RAPGEF6: variants seen among roughly 807,000 people sequenced by gnomAD.
RAPGEF6 encodes Rap guanine nucleotide exchange factor 6.
Under a neutral mutation model 171.4 loss-of-function variants are expected in RAPGEF6, and 56 were observed. The observed-to-expected ratio is 0.33, with a 90% CI of 0.26 to 0.41. The LOEUF (loss-of-function observed/expected upper bound fraction) is 0.41. Ranked by LOEUF, RAPGEF6 falls within the 10% of genes least tolerant of loss-of-function variation. RAPGEF6 has a pLI of 1.00. For missense variants in RAPGEF6, 1,674 were observed against 1,921.4 expected, an observed-to-expected ratio of 0.87 and a Z score of 2.41; for synonymous variants, 692 against 650.1, an observed-to-expected ratio of 1.06 and a Z score of -0.98.
rs1338315833 is a variant in RAPGEF6, at chr5:131,429,162, G to A, written c.4520C>T (p.Thr1507Ile). Residue 1507 changes from threonine (T) to isoleucine (I), a missense_variant, in exon 27 of 28, where the codon ACT becomes ATT. Thr to Ile is a moderately conservative substitution (Grantham distance 89). This residue lies in a region of RAPGEF6 where 552 missense variants were observed against 574.2 expected (regional missense o/e 0.96). Transcript: ENST00000509018. ...KDDRYREPPPTPPGYLGISLA... is the reference protein window; with the variant it reads ...KDDRYREPPPIPPGYLGISLA... ...AGAAATCCCCAAATATCCTGGAGGA[G>A]TGGGAGGTGGCTCCCTATACCTATC... 6 of 1,613,796 alleles carry A rather than the reference G, an allele frequency of 3.7e-6. No individual in the cohort carries two copies. Among genetic ancestry groups the A allele is most frequent in the Non-Finnish European group, 5.1e-6 (6 of 1,179,722 alleles).
rs1405795737 is a variant in RAPGEF6, at chr5:131,425,792, A to G, written c.*1474T>C. The stretch of plus-strand genomic sequence containing the variant: ...TTTCTATAAAGGAGGCCACAAACCA[A>G]CTAAATCCTATGTGGACACATACGG... On this transcript the variant is annotated 3_prime_UTR_variant, in exon 28 of 28. Transcript: ENST00000509018. The G allele has an allele frequency of 6.6e-6, 1 of 151,948 alleles. No homozygotes were observed. The highest frequency in any genetic ancestry group is 1.5e-5 in the Non-Finnish European group (1 of 67,996). The allele number at this position is 151,948 out of a possible 1,614,324, so 9.4% of individuals were successfully genotyped here.
chr5:131,546,646 TA>T (rs1299629771), intron 6 of RAPGEF6, among the ~76,000 whole-genome samples: 1 of 151,978 alleles, frequency 6.6e-6, no homozygotes, highest in Non-Finnish European at 1.5e-5. Context: ...GGAAAGAATG[TA>T]ACTTATCAAA....
At chr5:131,524,608 TTG>T (rs1758746402) in intron 6 of RAPGEF6, among the ~76,000 whole-genome samples, 1 of 40,998 alleles carries the variant, frequency 2.4e-5, no homozygotes, top group African/African-American at 9.0e-5. Flanking sequence ...GAGAGAGAGA[TTG>T]AGAGAGAGAG....
At chr5:131,430,122 CTA>C (rs544689030) in intron 26 of RAPGEF6, among the ~76,000 whole-genome samples, 115 of 150,980 alleles carry the variant, frequency 7.6e-4, no homozygotes, top group African/African-American at 2.8e-3. Context: ...TGACAAGTAA[CTA>C]TAAAATCAGC....
At position 131,446,556 on chromosome 5, in the gene RAPGEF6, G is replaced by C; in HGVS notation, c.3348C>G (p.Ser1116=). Reference sequence around the variant, plus strand: ...CCTCATCTGTCTCTACATCGAGACTGGAAAGATACTGCTTCACCTTCCTTG... The same window carrying C: ...CCTCATCTGTCTCTACATCGAGACTCGAAAGATACTGCTTCACCTTCCTTG... ...QMARKVKQYL[S]SLDVETDEEK... The change falls in exon 22 of 28, where the codon TCC becomes TCG. Residue 1116 remains serine, a synonymous_variant. Transcript: ENST00000509018. 6.2e-7 allele frequency: 1 copy of C among 1,614,226 alleles called. No individual in the cohort carries two copies.
chr5:131,491,181 A>G (rs1756256961), intron 14 of RAPGEF6, among the ~76,000 whole-genome samples: 1 of 152,208 alleles, frequency 6.6e-6, no homozygotes, highest in African/African-American at 2.4e-5. Flanking sequence ...GGTCAGGCCC[A>G]GAAAACTCTA....
In RAPGEF6 at chr5:131,446,502, C is replaced by A. The variant is rs1284496058; in HGVS notation, c.3402G>T (p.Trp1134Cys). 1 of 1,614,076 alleles carries A rather than the reference C, an allele frequency of 6.2e-7. No homozygotes were observed. Among genetic ancestry groups the A allele is most frequent in the Non-Finnish European group, 8.5e-7 (1 of 1,179,946 alleles). ...ACTCACAGGTACCATATGCAGGCTC[C>A]CACTGTAATGACATCATCTGGAACT... ...EEKFQMMSLQWEPAYGTLTKN... is the reference protein window; with the variant it reads ...EEKFQMMSLQCEPAYGTLTKN... The change falls in exon 22 of 28, where the codon TGG (tryptophan) becomes TGT (cysteine). Residue 1134 changes from tryptophan to cysteine, a missense_variant. Trp to Cys is a radical substitution (Grantham distance 215). This residue lies in a region of RAPGEF6 where 552 missense variants were observed against 574.2 expected (regional missense o/e 0.96). Coordinates refer to ENST00000509018, the MANE Select transcript of RAPGEF6 (RefSeq NM_016340.6).
intron 7 of RAPGEF6, among the ~76,000 whole-genome samples, chr5:131,512,217 G>A (rs570513133): frequency 2.6e-5 from 4 of 152,100 alleles, no homozygotes; most frequent in Admixed American, 2.6e-4. Context: ...AAGCAAGCAA[G>A]CAAGGAAAAA....
chr5:131,467,918 C>G (rs1018806605), intron 17 of RAPGEF6, among the ~76,000 whole-genome samples: 2 of 151,872 alleles, frequency 1.3e-5, no homozygotes, highest in African/African-American at 4.8e-5. Context: ...ATAGGCCCAG[C>G]TACTCGGGAG....
chr5:131,570,141 C>G (rs748257795), intron 4 of RAPGEF6, among the ~76,000 whole-genome samples: 3 of 143,672 alleles, frequency 2.1e-5, no homozygotes, highest in Non-Finnish European at 3.0e-5. Flanking sequence ...TAGATACATT[C>G]TTACAATTTG....
chr5:131,497,855 T>C (rs1266296822), intron 12 of RAPGEF6, among the ~76,000 whole-genome samples: 2 of 152,190 alleles, frequency 1.3e-5, no homozygotes, highest in Admixed American at 1.3e-4. Context: ...TACTAGTCTT[T>C]CCATTAAATG....
At chr5:131,448,547 G>T (rs1235387403) in intron 21 of RAPGEF6, among the ~76,000 whole-genome samples, 1 of 152,004 alleles carries the variant, frequency 6.6e-6, no homozygotes, top group Non-Finnish European at 1.5e-5. Flanking sequence ...AGCTATTTAG[G>T]AGCAAATTTT....
chr5:131,593,074 G>A (rs1351735207), intron 3 of RAPGEF6, among the ~76,000 whole-genome samples: 2 of 152,060 alleles, frequency 1.3e-5, no homozygotes, highest in Non-Finnish European at 2.9e-5. Flanking sequence ...CAGCTACACA[G>A]AACACAGAGT....
chr5:131,495,771 C>T, intron 12 of RAPGEF6, 111 bp from the exon 13 acceptor site: 4 of 1,409,444 alleles, frequency 2.8e-6, no homozygotes, highest in Non-Finnish European at 3.7e-6. Context: ...CCTCTTGTTC[C>T]CTCCCTTGTG....
At chr5:131,592,507 A>G (rs776419518) in intron 3 of RAPGEF6, 41 bp from the exon 4 acceptor site, 5 of 1,594,774 alleles carry the variant, frequency 3.1e-6, no homozygotes, top group Non-Finnish European at 4.3e-6. Context: ...AAAACAACAC[A>G]CATGTTCATA....
In RAPGEF6 at chr5:131,592,413, A is replaced by G. The variant is rs759981055; in HGVS notation, c.251T>C (p.Val84Ala). Residue 84 changes from valine (V) to alanine (A), a missense_variant, in exon 4 of 28, where the codon GTG becomes GCG. Coordinates refer to ENST00000509018, the MANE Select transcript of RAPGEF6 (RefSeq NM_016340.6). ...WYILLSGSVL[V>A]KGSMVLPPCS... ...AGGAGGCAAGACCATGGAGCCTTTC[A>G]CAAGCACAGATCCAGAAAGTAGGAT... is the stretch of plus-strand genomic sequence containing the variant. The G allele has an allele frequency of 2.5e-6, 4 of 1,613,826 alleles. No homozygotes were observed. Among genetic ancestry groups the G allele is most frequent in the Non-Finnish European group, 3.4e-6 (4 of 1,179,798 alleles).
intron 7 of RAPGEF6, among the ~76,000 whole-genome samples, chr5:131,518,673 G>A (rs941046653): frequency 6.6e-6 from 1 of 152,078 alleles, no homozygotes; most frequent in African/African-American, 2.4e-5. Context: ...TGGGACTGCA[G>A]GCTTGAGCCA....
At chr5:131,633,864 T>C (rs184454465) in intron 1 of RAPGEF6, among the ~76,000 whole-genome samples, 184 of 152,326 alleles carry the variant, frequency 1.2e-3, no homozygotes, top group African/African-American at 4.0e-3. Context: ...TCAGCTCACA[T>C]TGACTTCAAG....
At chr5:131,464,423 G>A (rs1754177808) in intron 17 of RAPGEF6, 142 bp from the exon 18 acceptor site, 2 of 642,230 alleles carry the variant, frequency 3.1e-6, no homozygotes, top group Non-Finnish European at 2.6e-6. Flanking sequence ...AGTCACTGTT[G>A]CATTTATTGA....
Sources: gnomAD v4.1 joint callset for allele counts (sites outside exome capture counted in the v4.1 genomes callset) on GRCh38, gnomAD v4.1.1 for gene constraint, gnomAD v4.1.1 regional missense constraint, MANE v1.5 for transcripts, NCBI Gene and HGNC (gene_info 2026-07-23, HGNC 2026-07-21) for gene names.